RAB11FIP4: variants seen among roughly 807,000 people sequenced by gnomAD.
RAB11FIP4 encodes RAB11 family interacting protein 4.
A neutral mutation model predicts 74.3 loss-of-function variants in RAB11FIP4; 23 were observed. The observed-to-expected ratio is 0.31, with a 90% confidence interval of 0.22 to 0.44. The LOEUF is 0.44. RAB11FIP4 is among the 20% of genes least tolerant of loss of function. RAB11FIP4 has a pLI of 1.00. For synonymous variants in RAB11FIP4, 360 were observed against 359.9 expected, an observed-to-expected ratio of 1.00 and a Z score of 0.00; for missense variants, 630 against 863.9, an observed-to-expected ratio of 0.73 and a Z score of 3.39.
intron 1 of RAB11FIP4, among the ~76,000 whole-genome samples, chr17:31,420,866 C>T (rs2071192083): frequency 6.6e-6 from 1 of 152,026 alleles, no homozygotes; most frequent in Non-Finnish European, 1.5e-5. Context: ...GGTGGATCAC[C>T]TGAGGTCGAG....
chr17:31,471,621 G>A (rs1186945233), intron 3 of RAB11FIP4, among the ~76,000 whole-genome samples: 1 of 152,180 alleles, frequency 6.6e-6, no homozygotes, highest in African/African-American at 2.4e-5. Flanking sequence ...GCTGCTGAAG[G>A]GGAGAGAGGT....
At chr17:31,524,974 C>T in intron 9 of RAB11FIP4, 116 bp from the exon 10 acceptor site, 1 of 1,259,554 alleles carries the variant, frequency 7.9e-7, no homozygotes. Context: ...GCCCACACGC[C>T]CTCAGTGGAC....
intron 3 of RAB11FIP4, among the ~76,000 whole-genome samples, chr17:31,500,272 G>A (rs1418211931): frequency 2.0e-5 from 3 of 152,092 alleles, no homozygotes; most frequent in Admixed American, 1.3e-4. Context: ...GTGGAGTGGC[G>A]GGGGTGGGGC....
intron 3 of RAB11FIP4, among the ~76,000 whole-genome samples, chr17:31,472,752 G>T (rs367917161): frequency 6.6e-6 from 1 of 152,196 alleles, no homozygotes; most frequent in East Asian, 1.9e-4. Flanking sequence ...AGGGATGGAG[G>T]CCAGGCATGG....
intron 3 of RAB11FIP4, among the ~76,000 whole-genome samples, chr17:31,480,793 CAAA>C (rs36097331): frequency 0.025 from 1,867 of 73,868 alleles, 34 homozygotes; most frequent in African/African-American, 0.089. Flanking sequence ...GACTCCGTCT[CAAA>C]AAAAAAAAAA....
chr17:31,447,042 T>C (rs2071471896), intron 3 of RAB11FIP4, among the ~76,000 whole-genome samples: 1 of 152,106 alleles, frequency 6.6e-6, no homozygotes, highest in African/African-American at 2.4e-5. Context: ...CCCAGTACTT[T>C]GGGAGGCCAA....
At chr17:31,445,602 T>TGACACGGAGTCTTGCTC (rs2071456054) in intron 3 of RAB11FIP4, among the ~76,000 whole-genome samples, 1 of 68,256 alleles carries the variant, frequency 1.5e-5, no homozygotes, top group Non-Finnish European at 2.8e-5. Context: ...TTTTTTTTTT[T>TGACACGGAGTCTTGCTC]TGACACGGAG....
In RAB11FIP4 at chr17:31,391,952, G is replaced by A; in HGVS notation, c.100G>A (p.Gly34Ser). 7.2e-7 allele frequency: 1 copy of A among 1,383,894 alleles called. No homozygotes were observed. The highest frequency in any genetic ancestry group is 9.4e-7 in the Non-Finnish European group (1 of 1,064,864). 85.7% of individuals were successfully genotyped at this position (1,383,894 alleles called of 1,614,324 possible). The change falls in exon 1 of 15, where the codon GGC becomes AGC. Residue 34 changes from glycine to serine, a missense_variant. By Grantham distance (56) the Gly-to-Ser change is moderately conservative. Coordinates refer to ENST00000621161, the MANE Select transcript of RAB11FIP4 (RefSeq NM_032932.6). ...CGAGGTGTGCGGCCGCGACCCCGAC[G>A]GCTTCCTGCGCGTGGAGCGCGTCGC... The part of the protein sequence containing the change: ...VFEVCGRDPD[G>S]FLRVERVAAL...
rs372435843 is a variant in RAB11FIP4 at position 31,485,945 on chromosome 17, G to A, written c.337-31706G>A. Among the ~76,000 whole-genome samples, 15 of 152,100 alleles carry A rather than the reference G, an allele frequency of 9.9e-5. 1 individual carries two copies. In the East Asian group the frequency reaches 1.7e-3, roughly 18 times the overall value. On this transcript the variant is annotated intron_variant, in intron 3 of 14. Transcript: ENST00000621161. ...TACTCTTATTTTTTTTTTAAATAGA[G>A]ACAGGGTCAGCCAGGCGCAGTGGCT...
chr17:31,508,574 C>T (rs940013045), intron 3 of RAB11FIP4, among the ~76,000 whole-genome samples: 1 of 152,202 alleles, frequency 6.6e-6, no homozygotes, highest in Non-Finnish European at 1.5e-5. Flanking sequence ...GCCAGCCAGA[C>T]CTGACACCTC....
chr17:31,448,668 A>G (rs2071493922), intron 3 of RAB11FIP4, among the ~76,000 whole-genome samples: 1 of 151,978 alleles, frequency 6.6e-6, no homozygotes, highest in East Asian at 1.9e-4. Flanking sequence ...TCCAGGAATG[A>G]TGTAATTTTG....
intron 1 of RAB11FIP4, among the ~76,000 whole-genome samples, chr17:31,403,807 G>A (rs9912319): frequency 0.079 from 12,011 of 152,148 alleles, 1,596 homozygotes; most frequent in African/African-American, 0.27. Context: ...GGTCAGAGGA[G>A]GGAGAGAGTG....
intron 1 of RAB11FIP4, among the ~76,000 whole-genome samples, chr17:31,425,382 T>A (rs1418091677): frequency 6.6e-6 from 1 of 152,206 alleles, no homozygotes; most frequent in Non-Finnish European, 1.5e-5. Context: ...CTTGCTCAGA[T>A]GAGGCAGCTG....
intron 3 of RAB11FIP4, among the ~76,000 whole-genome samples, chr17:31,494,537 G>A (rs952936012): frequency 2.0e-5 from 3 of 152,124 alleles, no homozygotes; most frequent in Admixed American, 2.0e-4. Context: ...CAGGAAGGTG[G>A]CAGCGGAAAA....
chr17:31,392,067 C>CCCA, intron 1 of RAB11FIP4, 56 bp downstream of exon 1: 2 of 1,150,766 alleles, frequency 1.7e-6, no homozygotes, highest in Non-Finnish European at 2.2e-6. Context: ...CCCCGCCGCC[C>CCCA]CTCCCCCAGC....
intron 3 of RAB11FIP4, among the ~76,000 whole-genome samples, chr17:31,460,112 G>A (rs185640978): frequency 1.3e-5 from 2 of 152,344 alleles, no homozygotes; most frequent in East Asian, 3.9e-4. Context: ...GATGGGGTGG[G>A]CACTTCATGG....
At chr17:31,427,166 G>A (rs1209517341) in intron 1 of RAB11FIP4, among the ~76,000 whole-genome samples, 2 of 152,126 alleles carry the variant, frequency 1.3e-5, no homozygotes, top group Non-Finnish European at 2.9e-5. Context: ...TCTCTATGTT[G>A]GCCAGGCTGG....
chr17:31,457,636 G>C (rs2071591348), intron 3 of RAB11FIP4, among the ~76,000 whole-genome samples: 1 of 151,970 alleles, frequency 6.6e-6, no homozygotes, highest in African/African-American at 2.4e-5. Flanking sequence ...AGACCCAGCG[G>C]GAGCTTTGAA....
intron 9 of RAB11FIP4, chr17:31,524,330 C>T: frequency 6.6e-6 from 2 of 303,482 alleles, no homozygotes; most frequent in South Asian, 7.6e-5. Flanking sequence ...TTCCTAGGGA[C>T]AAGCTCTGCA....
Sources: gnomAD v4.1 joint callset for allele counts (sites outside exome capture counted in the v4.1 genomes callset) on GRCh38, gnomAD v4.1.1 for gene constraint, MANE v1.5 for transcripts, NCBI Gene and HGNC (gene_info 2026-07-23, HGNC 2026-07-21) for gene names.